Variants in ELP4 observed in about 807,000 individuals in gnomAD.
ELP4 encodes the protein elongator complex protein 4.
ELP4 carries 51 observed loss-of-function variants against 48.9 expected under a neutral mutation model. That is an observed-to-expected ratio of 1.04 (90% CI 0.83 to 1.32). The LOEUF (loss-of-function observed/expected upper bound fraction) is 1.32. Among genes scored for constraint, ELP4 ranks in the 40% most tolerant of loss-of-function variants. ELP4 has a pLI of 0.00. For synonymous variants in ELP4, 210 were observed against 189.2 expected, an observed-to-expected ratio of 1.11 and a Z score of -0.90; for missense variants, 519 against 514.6, an observed-to-expected ratio of 1.01 and a Z score of -0.08.
chr11:31,685,844 T>C (rs1385428080), intron 9 of ELP4, among the ~76,000 whole-genome samples: 2 of 151,014 alleles, frequency 1.3e-5, no homozygotes, highest in Admixed American at 1.3e-4. Flanking sequence ...GGCAGGAGAA[T>C]CACTTCAACC....
chr11:31,566,843 T>C (rs1957119309), intron 3 of ELP4, among the ~76,000 whole-genome samples: 1 of 152,204 alleles, frequency 6.6e-6, no homozygotes, highest in Admixed American at 6.5e-5. Context: ...TTTTAAGTCA[T>C]ATCACACCTG....
chr11:31,687,529 G>A (rs1456625642), intron 9 of ELP4: 1 of 152,132 alleles, frequency 6.6e-6, no homozygotes, highest in East Asian at 1.9e-4. Context: ...AAGTTTCAGG[G>A]GCATAGGGCT....
At chr11:31,656,692 G>T (rs1194972576) in intron 9 of ELP4, among the ~76,000 whole-genome samples, 1 of 151,928 alleles carries the variant, frequency 6.6e-6, no homozygotes, top group Non-Finnish European at 1.5e-5. Context: ...AAGATACCAT[G>T]GTTACCTGTA....
intron 9 of ELP4, among the ~76,000 whole-genome samples, chr11:31,751,575 G>A (rs1425175047): frequency 2.0e-5 from 3 of 152,120 alleles, no homozygotes; most frequent in Non-Finnish European, 4.4e-5. Flanking sequence ...ACATTGAATA[G>A]ACACTCAACA....
At chr11:31,529,599 G>A (rs1268797180) in intron 2 of ELP4, among the ~76,000 whole-genome samples, 1 of 152,156 alleles carries the variant, frequency 6.6e-6, no homozygotes, top group Non-Finnish European at 1.5e-5. Context: ...ATTAAATAGT[G>A]CAGGAAGAGA....
intron 9 of ELP4, among the ~76,000 whole-genome samples, chr11:31,754,564 C>T (rs1041712867): frequency 1.1e-4 from 17 of 152,006 alleles, no homozygotes; most frequent in African/African-American, 4.1e-4. Context: ...CCTGACCAAC[C>T]TATCTTTAAA....
intron 8 of ELP4, chr11:31,649,260 A>G (rs1219335799): frequency 6.6e-6 from 1 of 151,598 alleles, no homozygotes. Flanking sequence ...TCTTTGTTCA[A>G]ATCTGTAATT....
chr11:31,623,390 T>TAAAAATATATATATAA, intron 5 of ELP4, among the ~76,000 whole-genome samples: 1 of 92,582 alleles, frequency 1.1e-5, no homozygotes, highest in African/African-American at 3.6e-5. Flanking sequence ...TATATATATA[T>TAAAAATATATATATAA]AAAACTAGAA....
At chr11:31,538,546 C>A (rs934521897) in intron 2 of ELP4, among the ~76,000 whole-genome samples, 4 of 150,638 alleles carry the variant, frequency 2.7e-5, no homozygotes, top group Non-Finnish European at 4.4e-5. Context: ...CCATTTTTCC[C>A]GATCTCAGAA....
intron 9 of ELP4, chr11:31,687,830 C>T (rs1476757951): frequency 6.6e-6 from 1 of 152,074 alleles, no homozygotes; most frequent in Admixed American, 6.6e-5. Context: ...ATTAATCATT[C>T]TATAATACTT....
intron 9 of ELP4, among the ~76,000 whole-genome samples, chr11:31,673,458 A>G (rs1256702434): frequency 6.6e-6 from 1 of 152,090 alleles, no homozygotes; most frequent in African/African-American, 2.4e-5. Flanking sequence ...CGTCCTCCCA[A>G]GTAACTATGA....
intron 6 of ELP4, 130 bp downstream of exon 6, chr11:31,627,324 C>A: frequency 1.7e-6 from 1 of 586,244 alleles, no homozygotes; most frequent in Non-Finnish European, 3.0e-6. Flanking sequence ...AAGCACAGAA[C>A]ATGTACATAA....
intron 3 of ELP4, among the ~76,000 whole-genome samples, chr11:31,573,233 A>T (rs1359556807): frequency 6.6e-6 from 1 of 152,096 alleles, no homozygotes; most frequent in African/African-American, 2.4e-5. Context: ...CCCTACCACC[A>T]CTTGACCCCT....
intron 9 of ELP4, chr11:31,663,353 A>G (rs951533629): frequency 2.6e-5 from 4 of 152,004 alleles, no homozygotes; most frequent in African/African-American, 9.7e-5. Context: ...CAGTGTTTTC[A>G]TTTGTAGCAT....
chr11:31,674,503 T>C (rs1357426958), intron 9 of ELP4, among the ~76,000 whole-genome samples: 1 of 152,228 alleles, frequency 6.6e-6, no homozygotes, highest in Non-Finnish European at 1.5e-5. Context: ...AAAACATGTA[T>C]TTCCAACTAA....
rs541171171 is a variant in ELP4 at position 31,643,753 on chromosome 11, A to G, written c.928-3988A>G. On this transcript the variant is annotated intron_variant, in intron 7 of 9. Coordinates refer to ENST00000640961, the MANE Select transcript of ELP4 (RefSeq NM_019040.5). ...TTTGTTTTACCCTAATAAAAAATGT[A>G]TTACCATTGTATAATGGCAAACAGG... 2.6e-5 allele frequency among the ~76,000 whole-genome samples: 4 copies of G among 151,982 alleles called. No homozygotes were observed. The South Asian group carries it at 6.2e-4, about 24-fold the overall frequency.
At chr11:31,773,323 A>G (rs1207741224) in intron 9 of ELP4, among the ~76,000 whole-genome samples, 3 of 152,230 alleles carry the variant, frequency 2.0e-5, no homozygotes, top group Non-Finnish European at 4.4e-5. Context: ...GGGAAAGTTT[A>G]TAGAAGAAAA....
chr11:31,757,785 G>T (rs1039107934), intron 9 of ELP4, among the ~76,000 whole-genome samples: 1 of 152,108 alleles, frequency 6.6e-6, no homozygotes, highest in African/African-American at 2.4e-5. Flanking sequence ...TCAAATTTTG[G>T]TTCTAAGAAA....
rs2516010 is a variant in ELP4, at chr11:31,790,096, A to C, written c.*6572A>C. 1 of 531,192 alleles carries C rather than the reference A, an allele frequency of 1.9e-6. No homozygotes were observed. The highest frequency in any genetic ancestry group is 3.1e-6 in the Non-Finnish European group (1 of 320,022). 32.9% of individuals were successfully genotyped at this position (531,192 alleles called of 1,614,324 possible). The stretch of plus-strand genomic sequence containing the variant: ...ACATGGAATACAAATTTATAGGTTT[A>C]CAAAAAAAAAAAAAAAAAAAAAAAC... On this transcript the variant is annotated 3_prime_UTR_variant, in exon 10 of 10. Coordinates refer to ENST00000640961, the MANE Select transcript of ELP4 (RefSeq NM_019040.5).
Sources: allele counts gnomAD v4.1 joint callset (sites outside exome capture counted in the v4.1 genomes callset), GRCh38; gene constraint gnomAD v4.1.1; transcripts MANE v1.5; gene names NCBI Gene and HGNC (gene_info 2026-07-23, HGNC 2026-07-21).